Variants in LGI4 observed in about 807,000 individuals in gnomAD.
LGI4 encodes the protein leucine rich repeat LGI family member 4.
A neutral mutation model predicts 48.3 loss-of-function variants in LGI4; 36 were observed. That is an observed-to-expected ratio of 0.75 (90% CI 0.57 to 0.98). LGI4 has a LOEUF of 0.98. LGI4 is among the 50% of genes least tolerant of loss of function. The probability of loss-of-function intolerance (pLI) is 0.00; values close to 1 mark genes in which losing one functional copy is unlikely to be tolerated. For missense variants in LGI4, 701 were observed against 732.1 expected, an observed-to-expected ratio of 0.96 and a Z score of 0.49; for synonymous variants, 355 against 331.6, an observed-to-expected ratio of 1.07 and a Z score of -0.77.
intron 6 of LGI4, chr19:35,131,015 C>T (rs569595507): frequency 1.5e-4 from 86 of 570,024 alleles, no homozygotes; most frequent in Middle Eastern, 1.4e-3. Context: ...ATAGAAAAGG[C>T]GAGTCAATGT....
At chr19:35,127,528 C>G (rs1351366304) in intron 6 of LGI4, among the ~76,000 whole-genome samples, 1 of 152,026 alleles carries the variant, frequency 6.6e-6, no homozygotes. Context: ...GCTGGAATTA[C>G]AGGCGCCCGC....
chr19:35,132,058 G>A lies in LGI4; in HGVS notation c.315-16C>T. On this transcript the variant is annotated splice_polypyrimidine_tract_variant and intron_variant, in intron 3 of 8. Coordinates refer to ENST00000310123, the MANE Select transcript of LGI4 (RefSeq NM_139284.3). ...CTCGATGAAGCTGTGGAGGGAAGCT[G>A]GGGTCAGGGGGAGGCCCGCTGAGCT... 1 of 1,563,218 alleles carries A rather than the reference G, an allele frequency of 6.4e-7. No individual in the cohort carries two copies. The highest frequency in any genetic ancestry group is 8.7e-7 in the Non-Finnish European group (1 of 1,152,896).
chr19:35,126,445 C>T lies in LGI4; in HGVS notation c.1124G>A (p.Arg375Gln), dbSNP rs1293572772. 6.9e-6 allele frequency: 11 copies of T among 1,592,724 alleles called. No individual in the cohort carries two copies. Among genetic ancestry groups the T allele is most frequent in the Admixed American group, 1.7e-5 (1 of 57,414 alleles). The change falls in exon 8 of 9, where the codon CGG becomes CAG. Residue 375 changes from arginine (R) to glutamine (Q), a missense_variant. Physicochemically the swap from Arg to Gln is conservative, Grantham distance 43 (BLOSUM62 1). This residue lies in a region of LGI4 where 223 missense variants were observed against 263.3 expected (regional missense o/e 0.85). Transcript: ENST00000310123. ...TDAEALELDG[R>Q]PHLLLASASQ... The stretch of plus-strand genomic sequence containing the variant: ...AGCCGAGGCCAGCAGCAGGTGGGGC[C>T]GGCCGTCCAGCTCCAGGGCCTCAGC...
chr19:35,130,185 C>A (rs949603964), intron 6 of LGI4, among the ~76,000 whole-genome samples: 9 of 152,158 alleles, frequency 5.9e-5, no homozygotes, highest in Non-Finnish European at 1.0e-4. Context: ...ACTGAGAGAA[C>A]TCAGGGACCA....
intron 3 of LGI4, among the ~76,000 whole-genome samples, chr19:35,132,637 C>T (rs1440917179): frequency 6.6e-6 from 1 of 152,162 alleles, no homozygotes; most frequent in Admixed American, 6.5e-5. Context: ...TCACCAATAA[C>T]ATCACCACCC....
intron 6 of LGI4, among the ~76,000 whole-genome samples, chr19:35,128,703 T>A (rs2445822): frequency 2.4e-4 from 37 of 152,254 alleles, no homozygotes; most frequent in African/African-American, 8.9e-4. Flanking sequence ...CAGAGTGAGA[T>A]CCTGTTTCAA....
In LGI4 at chr19:35,134,744, C is replaced by G. The variant is rs1042243429; in HGVS notation, c.-64G>C. On this transcript the variant is annotated 5_prime_UTR_variant, in exon 1 of 9. Transcript: ENST00000310123. The stretch of plus-strand genomic sequence containing the variant: ...CCACCCAGCTCAGCCCAGGCCACTA[C>G]GTCTCCTCCTCCACCAGGCCGCCCT... 1 of 866,134 alleles carries G rather than the reference C, an allele frequency of 1.2e-6. No individual in the cohort carries two copies. The highest frequency in any genetic ancestry group is 1.7e-6 in the Non-Finnish European group (1 of 580,928). The allele number at this position is 866,134 out of a possible 1,614,324, so 53.7% of individuals were successfully genotyped here. A position where few individuals can be genotyped will look rare whatever the true frequency, so the allele number is the denominator to read the frequency against.
chr19:35,129,811 G>A (rs1461707909), intron 6 of LGI4, among the ~76,000 whole-genome samples: 2 of 151,946 alleles, frequency 1.3e-5, no homozygotes, highest in Admixed American at 1.3e-4. Context: ...GAAAGAGGAA[G>A]GTCTCTTTGC....
In LGI4 at chr19:35,125,169, A is replaced by G. The variant is rs767786363; in HGVS notation, c.*24T>C. The G allele has an allele frequency of 7.3e-6, 11 of 1,505,976 alleles. No individual in the cohort carries two copies. The South Asian group carries it at 1.5e-4, about 20-fold the overall frequency. The allele number at this position is 1,505,976 out of a possible 1,614,324, so 93.3% of individuals were successfully genotyped here. Reference sequence around the variant, plus strand: ...AAGGGGCCGTCCAGGGGCCCCAGCCATGCCCAGAGTCCCGTTGGTGGTCTC... The same window carrying G: ...AAGGGGCCGTCCAGGGGCCCCAGCCGTGCCCAGAGTCCCGTTGGTGGTCTC... On this transcript the variant is annotated 3_prime_UTR_variant, in exon 9 of 9. Transcript: ENST00000310123.
In LGI4 at chr19:35,126,665, G is replaced by A; in HGVS notation, c.904C>T (p.Arg302Cys). 3 of 1,535,680 alleles carry A rather than the reference G, an allele frequency of 2.0e-6. No homozygotes were observed. Among genetic ancestry groups the A allele is most frequent in the Non-Finnish European group, 2.6e-6 (3 of 1,146,230 alleles). Reference sequence around the variant, plus strand: ...GCCAGGGTCTGCGTTGGGGCCAGGCGCAGGCCGGGACTGGGCCGGGCCCAC... The same window carrying A: ...GCCAGGGTCTGCGTTGGGGCCAGGCACAGGCCGGGACTGGGCCGGGCCCAC... ...QLWARPSPGL[R>C]LAPTQTLAPR... Residue 302 changes from arginine (R) to cysteine (C), a missense_variant, in exon 8 of 9, where the codon CGC becomes TGC. Physicochemically the swap from Arg to Cys is radical, Grantham distance 180. Coordinates refer to ENST00000310123, the MANE Select transcript of LGI4 (RefSeq NM_139284.3).
chr19:35,133,923 C>A, intron 2 of LGI4, 110 bp downstream of exon 2: 1 of 1,319,374 alleles, frequency 7.6e-7, no homozygotes, highest in Non-Finnish European at 1.1e-6. Flanking sequence ...TACACCCCCA[C>A]ACACGTGCAT....
At chr19:35,128,529 T>C (rs2065154914) in intron 6 of LGI4, among the ~76,000 whole-genome samples, 1 of 152,012 alleles carries the variant, frequency 6.6e-6, no homozygotes, top group Admixed American at 6.5e-5. Flanking sequence ...GACAACATGG[T>C]GAAAACCCCA....
rs200643838 is a variant in LGI4 at position 35,125,287 on chromosome 19, T to G, written c.1520A>C (p.His507Pro). The change falls in exon 9 of 9, where the codon CAC becomes CCC. Residue 507 changes from histidine (H) to proline (P), a missense_variant. His to Pro is a moderately conservative substitution (Grantham distance 77). Coordinates refer to ENST00000310123, the MANE Select transcript of LGI4 (RefSeq NM_139284.3). ...PALVAPRAFAHITMAGRRFLF... is the reference protein window; with the variant it reads ...PALVAPRAFAPITMAGRRFLF... Reference sequence around the variant, plus strand: ...GAAGCGTCTGCCGGCCATAGTGATGTGGGCAAAGGCACGGGGGGCCACCAG... The same window carrying G: ...GAAGCGTCTGCCGGCCATAGTGATGGGGGCAAAGGCACGGGGGGCCACCAG... The G allele has an allele frequency of 8.8e-5, 142 of 1,607,636 alleles. No homozygotes were observed. Among genetic ancestry groups the G allele is most frequent in the Middle Eastern group, 1.6e-4 (1 of 6,062 alleles).
chr19:35,127,783 T>C (rs2065150144), intron 6 of LGI4, among the ~76,000 whole-genome samples: 1 of 152,220 alleles, frequency 6.6e-6, no homozygotes, highest in African/African-American at 2.4e-5. Flanking sequence ...CCCTGTGAGG[T>C]ACATTCTGTG....
At chr19:35,126,209 T>C in intron 8 of LGI4, 61 bp downstream of exon 8, 1 of 1,554,218 alleles carries the variant, frequency 6.4e-7, no homozygotes, top group Non-Finnish European at 8.8e-7. Context: ...TTTAGAGGCT[T>C]AGTGTGCAAG....
chr19:35,131,243 CTG>C, intron 6 of LGI4, 141 bp downstream of exon 6: 1 of 974,172 alleles, frequency 1.0e-6, no homozygotes, highest in Non-Finnish European at 1.6e-6. Context: ...GATGAGAAAA[CTG>C]GGGCTCAGGA....
rs1449485295 is a variant in LGI4 at position 35,126,339 on chromosome 19, A to G, written c.1230T>C (p.Tyr410=). The change falls in exon 8 of 9, where the codon TAT becomes TAC. Residue 410 remains tyrosine, a synonymous_variant. Transcript: ENST00000310123. ...RTDIPEAEDV[Y]ATRHFQAGGD... Reference sequence around the variant, plus strand: ...CACCAGCCTGGAAGTGGCGTGTGGCATAGACATCCTCGGCCTCGGGGATGT... The same window carrying G: ...CACCAGCCTGGAAGTGGCGTGTGGCGTAGACATCCTCGGCCTCGGGGATGT... The G allele has an allele frequency of 6.2e-7, 1 of 1,611,934 alleles. No homozygotes were observed. Among genetic ancestry groups the G allele is most frequent in the Non-Finnish European group, 8.5e-7 (1 of 1,179,562 alleles).
chr19:35,133,642 G>T lies in LGI4; in HGVS notation c.314+51C>A, dbSNP rs941237931. The T allele has an allele frequency of 1.2e-5, 19 of 1,544,350 alleles. No individual in the cohort carries two copies. The African/African-American group carries it at 1.9e-4, about 16-fold the overall frequency. On this transcript the variant is annotated intron_variant, in intron 3 of 8. Transcript: ENST00000310123. ...TCCCCCTACTCTGGGAGCCACAGAA[G>T]GGTCCCTCCTTGCCCAGACCCACCT...
chr19:35,128,995 G>A (rs2065157977), intron 6 of LGI4, among the ~76,000 whole-genome samples: 1 of 152,014 alleles, frequency 6.6e-6, no homozygotes. Flanking sequence ...GACTCCCATA[G>A]GAACCCTCAT....
Sources: gnomAD v4.1 joint callset for allele counts (sites outside exome capture counted in the v4.1 genomes callset) on GRCh38, gnomAD v4.1.1 for gene constraint, gnomAD v4.1.1 regional missense constraint, MANE v1.5 for transcripts, NCBI Gene and HGNC (gene_info 2026-07-23, HGNC 2026-07-21) for gene names.